THOC3: variants seen among roughly 807,000 people sequenced by gnomAD.
THOC3 encodes THO complex subunit 3.
A neutral mutation model predicts 23.3 loss-of-function variants in THOC3; 4 were observed. The observed-to-expected ratio is 0.17, with a 90% CI of 0.08 to 0.39. The LOEUF (loss-of-function observed/expected upper bound fraction) is 0.39, where lower values mean the gene tolerates loss of function less well. Ranked by LOEUF, THOC3 falls within the 10% of genes least tolerant of loss-of-function variation. The pLI, the probability that THOC3 is intolerant of heterozygous loss-of-function variation, is 1.00. For missense variants in THOC3, 64 were observed against 359.4 expected (o/e 0.18, Z 6.65); for synonymous variants, 27 against 141.5 (o/e 0.19, Z 5.74).
chr5:175,965,702 GGC>G (rs1756753248), intron 2 of THOC3, among the ~76,000 whole-genome samples: 1 of 152,226 alleles, frequency 6.6e-6, no homozygotes, highest in South Asian at 2.1e-4. Flanking sequence ...TGGGATTACA[GGC>G]GTGAGCCACC....
chr5:175,960,563 A>G (rs1417540018), intron 5 of THOC3: 3 of 138,250 alleles, frequency 2.2e-5, no homozygotes, highest in African/African-American at 8.7e-5. Context: ...TCCAAAAACA[A>G]TAAAGCAACA....
In THOC3 at chr5:175,968,071, G is replaced by A. The variant is rs1430319354; in HGVS notation, c.138C>T (p.Ser46=). 1 of 1,611,532 alleles carries A rather than the reference G, an allele frequency of 6.2e-7. No individual in the cohort carries two copies. The part of the protein sequence containing the change: ...LGMQELFRGH[S]KTREFLAHSA... ...TGTGCGCCAGGAACTCGCGCGTCTTGCTGTGGCCCCGGAACAGCTCCTGCA... is the reference window on the plus strand; with the variant it reads ...TGTGCGCCAGGAACTCGCGCGTCTTACTGTGGCCCCGGAACAGCTCCTGCA... Residue 46 remains serine, a synonymous_variant, in exon 1 of 6, where the codon AGC becomes AGT. Coordinates refer to ENST00000265097, the MANE Select transcript of THOC3 (RefSeq NM_032361.4).
rs1172919087 is a variant in THOC3 at position 175,968,116 on chromosome 5, C to T, written c.93G>A (p.Pro31=). The T allele has an allele frequency of 1.2e-6, 2 of 1,607,054 alleles. No homozygotes were observed. Among genetic ancestry groups the T allele is most frequent in the Admixed American group, 3.4e-5 (2 of 59,532 alleles). The change falls in exon 1 of 6, where the codon CCG becomes CCA. Residue 31 remains proline, a synonymous_variant. Transcript: ENST00000265097. The part of the protein sequence containing the change: ...MAPWCSVSSG[P]SRYVLGMQEL... ...CCTGCATCCCAAGCACGTAGCGCGA[C>T]GGGCCGCTGCTCACTGAGCACCACG...
At position 175,962,417 on chromosome 5, in the gene THOC3, T is replaced by TACACACACACACACACAC. The variant is rs775994149; in HGVS notation, c.630-984_630-983insGTGTGTGTGTGTGTGTGT. Among the ~76,000 whole-genome samples the TACACACACACACACACAC allele has an allele frequency of 8.7e-4, 37 of 42,496 alleles. 1 individual carries two copies. The highest frequency in any genetic ancestry group is 1.5e-3 in the African/African-American group (18 of 12,112). The allele number at this position is 42,496 out of a possible 152,430, so 27.9% of individuals were successfully genotyped here. The stretch of plus-strand genomic sequence containing the variant: ...GGTATTTTATCTTTAAATATATATA[T>TACACACACACACACACAC]ATATACACACACACACACACACACA... On this transcript the variant is annotated intron_variant, in intron 3 of 5. Transcript: ENST00000265097.
chr5:175,960,419 A>C, intron 5 of THOC3: 2 of 309,562 alleles, frequency 6.5e-6, no homozygotes, highest in African/African-American at 4.4e-5. Context: ...GCATGGCTGG[A>C]TGCTGGACAA....
At chr5:175,965,549 C>A (rs1357877778) in intron 2 of THOC3, among the ~76,000 whole-genome samples, 1 of 152,262 alleles carries the variant, frequency 6.6e-6, no homozygotes, top group Non-Finnish European at 1.5e-5. Flanking sequence ...CTCAGCCTCC[C>A]GAGTAGCTGG....
At chr5:175,964,386 G>A (rs1488240315) in intron 3 of THOC3, among the ~76,000 whole-genome samples, 8 of 152,380 alleles carry the variant, frequency 5.3e-5, no homozygotes, top group Non-Finnish European at 1.0e-4. Context: ...ATTAGCCAGA[G>A]GTCGGGCTAA....
chr5:175,962,444 G>T (rs1453894385), intron 3 of THOC3, among the ~76,000 whole-genome samples: 1 of 30,654 alleles, frequency 3.3e-5, no homozygotes, highest in East Asian at 8.2e-4. Flanking sequence ...ACACACACAC[G>T]TAATTCCTAG....
Position 175,963,217 on chromosome 5 carries a change from T to A in THOC3, c.629+1734A>T, listed in dbSNP as rs1190037921. Reference sequence around the variant, plus strand: ...ACCAAATCGCAGATGAGAAGCAGCATCTCTTTACACAACAGTCCAACACAT... The same window carrying A: ...ACCAAATCGCAGATGAGAAGCAGCAACTCTTTACACAACAGTCCAACACAT... On this transcript the variant is annotated intron_variant, in intron 3 of 5. Transcript: ENST00000265097. Among the ~76,000 whole-genome samples, 8 of 152,336 alleles carry A rather than the reference T, an allele frequency of 5.3e-5. No homozygotes were observed. In the East Asian group the frequency reaches 1.2e-3, roughly 22 times the overall value.
Position 175,961,568 on chromosome 5 carries a change from TA to T in THOC3, c.630-135del, listed in dbSNP as rs577439763. 151 of 381,074 alleles carry T rather than the reference TA, an allele frequency of 4.0e-4. No individual in the cohort carries two copies. The East Asian group carries it at 5.4e-3, about 14-fold the overall frequency. The allele number at this position is 381,074 out of a possible 1,614,324, so 23.6% of individuals were successfully genotyped here. A position where few individuals can be genotyped will look rare whatever the true frequency, so the allele number is the denominator to read the frequency against. On this transcript the variant is annotated intron_variant, in intron 3 of 5. Transcript: ENST00000265097. ...GTCATTCAAGATAACATTCCTGAAA[TA>T]AAAAAAGATTTTGAACTACATTATT...
Position 175,967,974 on chromosome 5 carries a change from C to T in THOC3, c.235G>A (p.Ala79Thr), listed in dbSNP as rs1298156426. ...TCCTTCTCCAGCAAGAAGACGCTGG[C>T]CGTCTTGTCGAAGGACCCCGAGGCT... ...RLASGSFDKT[A>T]SVFLLEKDRL... The change falls in exon 1 of 6, where the codon GCC (alanine) becomes ACC (threonine). Residue 79 changes from alanine to threonine, a missense_variant. By Grantham distance (58) the Ala-to-Thr change is moderately conservative (BLOSUM62 0). Transcript: ENST00000265097. The T allele has an allele frequency of 6.3e-7, 1 of 1,596,374 alleles. No homozygotes were observed. Among genetic ancestry groups the T allele is most frequent in the Non-Finnish European group, 8.5e-7 (1 of 1,172,558 alleles).
Position 175,968,047 on chromosome 5 carries a change from G to C in THOC3, c.162C>G (p.His54Gln), listed in dbSNP as rs145618607. The C allele has an allele frequency of 3.7e-6, 6 of 1,611,490 alleles. No homozygotes were observed. Among genetic ancestry groups the C allele is most frequent in the African/African-American group, 1.3e-5 (1 of 74,922 alleles). The change falls in exon 1 of 6, where the codon CAC becomes CAG. Residue 54 changes from histidine (H) to glutamine (Q), a missense_variant. Physicochemically the swap from His to Gln is conservative, Grantham distance 24. Transcript: ENST00000265097. ...GHSKTREFLA[H>Q]SAKVHSVAWS... is the part of the protein sequence containing the mutation. ...AGGCCACCGAGTGCACCTTGGCGCT[G>C]TGCGCCAGGAACTCGCGCGTCTTGC... is the stretch of plus-strand genomic sequence containing the variant.
At chr5:175,963,318 C>T (rs557329620) in intron 3 of THOC3, among the ~76,000 whole-genome samples, 424 of 151,860 alleles carry the variant, frequency 2.8e-3, no homozygotes, top group African/African-American at 9.1e-3. Flanking sequence ...TCAACAGCTA[C>T]GTTTTCGGAA....
intron 3 of THOC3, among the ~76,000 whole-genome samples, chr5:175,962,103 T>TG (rs1263707379): frequency 2.6e-5 from 4 of 152,058 alleles, no homozygotes; most frequent in Non-Finnish European, 5.9e-5. Flanking sequence ...ATTTTTTTAA[T>TG]GGGGGAAGAA....
At chr5:175,962,923 C>T (rs1412291814) in intron 3 of THOC3, among the ~76,000 whole-genome samples, 2 of 151,328 alleles carry the variant, frequency 1.3e-5, no homozygotes, top group Non-Finnish European at 2.9e-5. Flanking sequence ...AAACAGAAGA[C>T]GATGGGATTA....
chr5:175,961,964 A>C (rs1304498875), intron 3 of THOC3, among the ~76,000 whole-genome samples: 3 of 150,466 alleles, frequency 2.0e-5, no homozygotes, highest in African/African-American at 2.5e-5. Flanking sequence ...GCTTCAATTA[A>C]AAAAATGACT....
chr5:175,965,884 A>T (rs1257545807), intron 2 of THOC3, among the ~76,000 whole-genome samples: 38 of 152,398 alleles, frequency 2.5e-4, no homozygotes, highest in Non-Finnish European at 5.1e-4. Context: ...AATTGATTCA[A>T]AAAAGTTTAC....
At chr5:175,965,286 G>T (rs1756744228) in intron 2 of THOC3, 131 bp from the exon 3 acceptor site, 4 of 1,424,756 alleles carry the variant, frequency 2.8e-6, no homozygotes, top group Non-Finnish European at 3.8e-6. Flanking sequence ...ACAATGGAAG[G>T]GAGCTACCAC....
intron 1 of THOC3, chr5:175,967,605 T>C (rs1581131437): frequency 1.2e-5 from 3 of 244,602 alleles, no homozygotes; most frequent in Non-Finnish European, 2.4e-5. Flanking sequence ...AGCCACTTCT[T>C]ATCAGCACAG....
Sources: allele counts gnomAD v4.1 joint callset (sites outside exome capture counted in the v4.1 genomes callset), GRCh38; gene constraint gnomAD v4.1.1; transcripts MANE v1.5; gene names NCBI Gene and HGNC (gene_info 2026-07-23, HGNC 2026-07-21).